Variants in PPP2R3A observed in about 807,000 individuals in gnomAD.
PPP2R3A encodes the protein protein phosphatase 2 regulatory subunit B''alpha.
A neutral mutation model predicts 106.9 loss-of-function variants in PPP2R3A; 80 were observed. The ratio of observed to expected loss-of-function variants is 0.75; its 90% CI spans 0.62 to 0.90. The LOEUF is 0.90. Ranked by LOEUF, PPP2R3A falls within the 40% of genes least tolerant of loss-of-function variation. The pLI is 0.00. For synonymous variants in PPP2R3A, 483 were observed against 468.3 expected (o/e 1.03, Z -0.41); for missense variants, 1,386 against 1,350.4 (o/e 1.03, Z -0.41).
intron 5 of PPP2R3A, among the ~76,000 whole-genome samples, chr3:136,057,034 G>T (rs1363347981): frequency 6.6e-6 from 1 of 151,626 alleles, no homozygotes; most frequent in Non-Finnish European, 1.5e-5. Context: ...AAAAAGACAG[G>T]CAATAACATG....
intron 1 of PPP2R3A, among the ~76,000 whole-genome samples, chr3:135,967,002 T>G (rs1314725806): frequency 6.6e-6 from 1 of 152,310 alleles, no homozygotes; most frequent in East Asian, 1.9e-4. Context: ...AACTGTTGTT[T>G]TTTTTTCTTG....
chr3:136,130,136 A>G (rs1028305454), intron 13 of PPP2R3A, among the ~76,000 whole-genome samples: 2 of 152,166 alleles, frequency 1.3e-5, no homozygotes, highest in African/African-American at 4.8e-5. Flanking sequence ...AACCACTCCT[A>G]TTCAACATAG....
At position 136,048,457 on chromosome 3, in the gene PPP2R3A, G is replaced by A. The variant is rs574331777; in HGVS notation, c.2367-802G>A. Among the ~76,000 whole-genome samples, 67 of 152,254 alleles carry A rather than the reference G, an allele frequency of 4.4e-4. 1 individual carries two copies. Among genetic ancestry groups the A allele is most frequent in the South Asian group, 4.4e-3 (21 of 4,822 alleles). The stretch of plus-strand genomic sequence containing the variant: ...GGAAGCCGAGGCAGGCGGATCACAA[G>A]GTCAGGAGATCAAGAACATCCTGGC... On this transcript the variant is annotated intron_variant, in intron 4 of 13. Coordinates refer to ENST00000264977, the MANE Select transcript of PPP2R3A (RefSeq NM_002718.5).
rs1410301599 is a variant in PPP2R3A, at chr3:135,979,472, G to T, written c.-441+13623G>T. ...AATTGTACTGATTGATGTCCGATTG[G>T]ATCTGGATTCAGATTGGCCAGCCTG... On this transcript the variant is annotated intron_variant, in intron 1 of 13. Transcript: ENST00000264977. Among the ~76,000 whole-genome samples the T allele has an allele frequency of 2.0e-5, 3 of 151,874 alleles. 1 individual carries two copies. Among genetic ancestry groups the T allele is most frequent in the African/African-American group, 7.3e-5 (3 of 41,132 alleles).
In PPP2R3A at chr3:136,102,073, G is replaced by A. The variant is rs775847801; in HGVS notation, c.2994G>A (p.Glu998=). 1 of 1,614,004 alleles carries A rather than the reference G, an allele frequency of 6.2e-7. No individual in the cohort carries two copies. The highest frequency in any genetic ancestry group is 1.3e-5 in the African/African-American group (1 of 74,924). Residue 998 remains glutamate, a synonymous_variant, in exon 11 of 14, where the codon GAG becomes GAA. Transcript: ENST00000264977. ...GTGTACTCTCCATGTATGAGCTGGA[G>A]TACTTCTATGAGGAGCAGTGTGAAC... ...GDGVLSMYEL[E]YFYEEQCERM...
chr3:136,002,631 A>T lies in PPP2R3A; in HGVS notation c.1133A>T (p.Tyr378Phe). 1 of 1,613,934 alleles carries T rather than the reference A, an allele frequency of 6.2e-7. No homozygotes were observed. Among genetic ancestry groups the T allele is most frequent in the Non-Finnish European group, 8.5e-7 (1 of 1,179,818 alleles). ...SIPNNSTNSLYNLEVNDPRTL... is the reference protein window; with the variant it reads ...SIPNNSTNSLFNLEVNDPRTL... ...CCAAACAACTCCACAAATTCCTTAT[A>T]TAACTTAGAGGTAAATGATCCTAGA... Residue 378 changes from tyrosine (Y) to phenylalanine (F), a missense_variant, in exon 2 of 14, where the codon TAT (tyrosine) becomes TTT (phenylalanine). By Grantham distance (22) the Tyr-to-Phe change is conservative. Transcript: ENST00000264977.
intron 6 of PPP2R3A, among the ~76,000 whole-genome samples, chr3:136,071,545 C>T (rs780277094): frequency 3.9e-5 from 6 of 152,210 alleles, no homozygotes; most frequent in East Asian, 1.9e-4. Context: ...CCTGGCCTGT[C>T]GCCCTGATAT....
At chr3:136,023,077 TC>T (rs781356533) in intron 2 of PPP2R3A, 2 of 1,613,092 alleles carry the variant, frequency 1.2e-6, no homozygotes, top group South Asian at 2.2e-5. Flanking sequence ...AAGATGATGA[TC>T]AAGGAAACAT....
chr3:135,993,914 C>G (rs1933279679), intron 1 of PPP2R3A, among the ~76,000 whole-genome samples: 1 of 152,096 alleles, frequency 6.6e-6, no homozygotes, highest in African/African-American at 2.4e-5. Context: ...GAAATCAGAT[C>G]AGTGGTTGTT....
At chr3:136,114,987 A>G (rs896350639) in intron 13 of PPP2R3A, among the ~76,000 whole-genome samples, 1 of 152,316 alleles carries the variant, frequency 6.6e-6, no homozygotes, top group Middle Eastern at 3.4e-3. Flanking sequence ...ACCTCCCAGT[A>G]GGGGCCAACA....
intron 3 of PPP2R3A, among the ~76,000 whole-genome samples, chr3:136,031,896 G>A (rs940815598): frequency 6.6e-6 from 1 of 152,102 alleles, no homozygotes; most frequent in Non-Finnish European, 1.5e-5. Flanking sequence ...ATGCTGTTTT[G>A]GTGACTATGG....
At chr3:136,060,776 G>C (rs148066018) in intron 5 of PPP2R3A, among the ~76,000 whole-genome samples, 1 of 152,160 alleles carries the variant, frequency 6.6e-6, no homozygotes, top group African/African-American at 2.4e-5. Flanking sequence ...TCAATCAAAG[G>C]ATACAAAATT....
At chr3:136,091,661 TA>T (rs1937097337) in intron 10 of PPP2R3A, among the ~76,000 whole-genome samples, 1 of 152,172 alleles carries the variant, frequency 6.6e-6, no homozygotes, top group South Asian at 2.1e-4. Flanking sequence ...GATGTTGAAA[TA>T]AAAATAAGCC....
At chr3:136,018,488 A>T (rs1286516160) in intron 2 of PPP2R3A, among the ~76,000 whole-genome samples, 1 of 152,220 alleles carries the variant, frequency 6.6e-6, no homozygotes, top group Non-Finnish European at 1.5e-5. Context: ...TTCGTTTTCA[A>T]AGGGGGAAGG....
intron 3 of PPP2R3A, among the ~76,000 whole-genome samples, chr3:136,027,868 A>G (rs1188038083): frequency 1.3e-5 from 2 of 152,214 alleles, no homozygotes; most frequent in African/African-American, 2.4e-5. Flanking sequence ...TAAGGGCTGC[A>G]TGGAGGCAAG....
intron 1 of PPP2R3A, among the ~76,000 whole-genome samples, chr3:135,989,561 T>G (rs191464322): frequency 1.4e-4 from 21 of 152,094 alleles, no homozygotes; most frequent in African/African-American, 4.3e-4. Context: ...GATTCAGACA[T>G]TATTCATCTA....
intron 1 of PPP2R3A, among the ~76,000 whole-genome samples, chr3:135,994,044 AACTT>A (rs1933283988): frequency 6.6e-6 from 1 of 152,196 alleles, no homozygotes; most frequent in Non-Finnish European, 1.5e-5. Flanking sequence ...CTGGATTACA[AACTT>A]AATATGTTTT....
At chr3:136,063,603 G>T (rs183103779) in intron 5 of PPP2R3A, among the ~76,000 whole-genome samples, 17 of 152,142 alleles carry the variant, frequency 1.1e-4, no homozygotes, top group Admixed American at 1.0e-3. Context: ...AAAAGTGGAC[G>T]AAGGATATGA....
chr3:136,144,301 T>A (rs535134261), intron 13 of PPP2R3A, among the ~76,000 whole-genome samples: 1 of 152,300 alleles, frequency 6.6e-6, no homozygotes, highest in East Asian at 1.9e-4. Flanking sequence ...ACCTACATAC[T>A]TGAACATCTT....
Sources: gnomAD v4.1 joint callset for allele counts (sites outside exome capture counted in the v4.1 genomes callset) on GRCh38, gnomAD v4.1.1 for gene constraint, MANE v1.5 for transcripts, NCBI Gene and HGNC (gene_info 2026-07-23, HGNC 2026-07-21) for gene names.